DIPK2B: variants seen among roughly 807,000 people sequenced by gnomAD.
DIPK2B encodes the protein UPF0672 protein CXorf36.
A neutral mutation model predicts 22.2 loss-of-function variants in DIPK2B; 15 were observed. That is an observed-to-expected ratio of 0.68 (90% CI 0.45 to 1.04). The LOEUF is 1.04. DIPK2B is among the 50% of genes least tolerant of loss of function. The pLI, the probability that DIPK2B is intolerant of heterozygous loss-of-function variation, is 0.00. For synonymous variants in DIPK2B, 163 were observed against 153.2 expected, an observed-to-expected ratio of 1.06 and a Z score of -0.47; for missense variants, 345 against 348.3, an observed-to-expected ratio of 0.99 and a Z score of 0.08.
chrX:45,181,338 C>T (rs147488025), intron 2 of DIPK2B, among the ~76,000 whole-genome samples: 53 of 112,036 alleles, frequency 4.7e-4, no homozygotes, highest in African/African-American at 1.7e-3. Flanking sequence ...ATCAAAATTA[C>T]AGCAGGTTTT....
At chrX:45,162,380 T>C (rs1237566918) in intron 2 of DIPK2B, 1 of 752,813 alleles carries the variant, frequency 1.3e-6, no homozygotes, top group African/African-American at 2.3e-5. Context: ...CTGAGAAGGT[T>C]CTGAGCAACC....
At chrX:45,195,432 T>C (rs2047234698) in intron 1 of DIPK2B, among the ~76,000 whole-genome samples, 1 of 111,827 alleles carries the variant, frequency 8.9e-6, no homozygotes, top group Non-Finnish European at 1.9e-5. Context: ...GCAACAGCTT[T>C]GGAATTAGAA....
At chrX:45,200,478 T>C (rs1333832203) in intron 1 of DIPK2B, 116 bp downstream of exon 1, 4 of 720,399 alleles carry the variant, frequency 5.6e-6, no homozygotes, top group Non-Finnish European at 8.2e-6. Context: ...ATTAAATGGA[T>C]TTGTTTCAGC....
intron 3 of DIPK2B, among the ~76,000 whole-genome samples, chrX:45,154,595 G>A (rs996983060): frequency 9.0e-6 from 1 of 111,153 alleles, no homozygotes; most frequent in Non-Finnish European, 1.9e-5. Flanking sequence ...TTTCTTTGTA[G>A]TAGAGTGCAT....
chrX:45,177,679 T>A (rs2047126241), intron 2 of DIPK2B, among the ~76,000 whole-genome samples: 2 of 110,978 alleles, frequency 1.8e-5, no homozygotes, highest in South Asian at 7.6e-4. Flanking sequence ...AGGCATTCCT[T>A]CGTAGCAATG....
chrX:45,190,415 G>A (rs1236722960), intron 2 of DIPK2B, among the ~76,000 whole-genome samples: 1 of 111,520 alleles, frequency 9.0e-6, no homozygotes, highest in Non-Finnish European at 1.9e-5. Flanking sequence ...AAGGTCAATT[G>A]GTCAGGGAGT....
intron 1 of DIPK2B, among the ~76,000 whole-genome samples, chrX:45,193,025 C>T (rs1019457453): frequency 6.2e-5 from 7 of 112,440 alleles, no homozygotes; most frequent in African/African-American, 6.5e-5. Context: ...GTGATCCGCC[C>T]GCCTCTACCT....
intron 2 of DIPK2B, among the ~76,000 whole-genome samples, chrX:45,177,096 G>A (rs1363085394): frequency 1.8e-5 from 2 of 109,967 alleles, no homozygotes; most frequent in Non-Finnish European, 3.8e-5. Flanking sequence ...TCAGGAGTTC[G>A]AGATGAGCCT....
intron 2 of DIPK2B, chrX:45,162,932 A>G: frequency 1.3e-6 from 1 of 753,828 alleles, no homozygotes; most frequent in Non-Finnish European, 1.6e-6. Flanking sequence ...TCTCTACCAC[A>G]ATCCTTAACA....
chrX:45,188,623 A>T (rs2148348981), intron 2 of DIPK2B, among the ~76,000 whole-genome samples: 1 of 112,522 alleles, frequency 8.9e-6, no homozygotes, highest in South Asian at 3.7e-4. Context: ...ATTTTAAATT[A>T]TACAATTCAG....
At chrX:45,171,317 G>A (rs776226886) in intron 2 of DIPK2B, among the ~76,000 whole-genome samples, 1 of 106,151 alleles carries the variant, frequency 9.4e-6, no homozygotes, top group Non-Finnish European at 2.0e-5. Context: ...AACCCTTGCC[G>A]GTCCCTGCAA....
At chrX:45,186,008 T>A (rs751116348) in intron 2 of DIPK2B, among the ~76,000 whole-genome samples, 1 of 111,572 alleles carries the variant, frequency 9.0e-6, no homozygotes, top group East Asian at 2.8e-4. Flanking sequence ...GTAATTTGAG[T>A]GGGCACAGTG....
intron 2 of DIPK2B, among the ~76,000 whole-genome samples, chrX:45,188,206 G>A (rs2047194190): frequency 8.9e-6 from 1 of 112,248 alleles, no homozygotes; most frequent in Admixed American, 9.4e-5. Flanking sequence ...GGGTGGAGCT[G>A]TTTGGCCAAA....
At chrX:45,178,939 A>C (rs1407460824) in intron 2 of DIPK2B, among the ~76,000 whole-genome samples, 1 of 111,656 alleles carries the variant, frequency 9.0e-6, no homozygotes, top group Non-Finnish European at 1.9e-5. Flanking sequence ...AGTAGTAAGG[A>C]TCATGCCTTA....
chrX:45,178,729 C>T (rs763939064), intron 2 of DIPK2B, among the ~76,000 whole-genome samples: 1 of 111,632 alleles, frequency 9.0e-6, no homozygotes, highest in East Asian at 2.8e-4. Context: ...AAATTTCCCT[C>T]AGGTCCTTGA....
intron 2 of DIPK2B, among the ~76,000 whole-genome samples, chrX:45,189,081 T>C (rs1329310185): frequency 2.7e-5 from 3 of 112,089 alleles, no homozygotes; most frequent in African/African-American, 9.7e-5. Context: ...AAAAAATAGA[T>C]TTTGTCTCAC....
intron 3 of DIPK2B, among the ~76,000 whole-genome samples, chrX:45,156,328 T>G (rs2046995706): frequency 9.0e-6 from 1 of 111,096 alleles, no homozygotes; most frequent in African/African-American, 3.3e-5. Flanking sequence ...CTACTGTCGT[T>G]GTCTACAGGT....
chrX:45,163,906 G>C, intron 2 of DIPK2B: 2 of 889,866 alleles, frequency 2.2e-6, no homozygotes, highest in Non-Finnish European at 2.8e-6. Context: ...GATCACATCT[G>C]GATTGGGGTG....
At chrX:45,159,570 A>G (rs5952695) in intron 2 of DIPK2B, among the ~76,000 whole-genome samples, 36,767 of 110,466 alleles carry the variant, frequency 0.33, 5,175 homozygotes, top group African/African-American at 0.53. Flanking sequence ...TTAGCACCAG[A>G]CTGTATTCAG....
Sources: gnomAD v4.1 joint callset for allele counts (sites outside exome capture counted in the v4.1 genomes callset) on GRCh38, gnomAD v4.1.1 for gene constraint, MANE v1.5 for transcripts, NCBI Gene and HGNC (gene_info 2026-07-23, HGNC 2026-07-21) for gene names.